The following TNIK variants were observed in gnomAD, a reference collection of about 807,000 sequenced individuals.
The protein encoded by TNIK is TRAF2 and NCK interacting kinase, also known as TRAF2 and NCK-interacting protein kinase.
A neutral mutation model predicts 191.3 loss-of-function variants in TNIK; 49 were observed. That is an observed-to-expected ratio of 0.26 (90% CI 0.20 to 0.32). TNIK has a LOEUF of 0.32. TNIK is among the 10% of genes least tolerant of loss of function. The pLI, the probability that TNIK is intolerant of heterozygous loss-of-function variation, is 1.00. For missense variants in TNIK, 1,155 were observed against 1,702.3 expected (o/e 0.68, Z 5.66); for synonymous variants, 594 against 600.9 (o/e 0.99, Z 0.17).
intron 2 of TNIK, among the ~76,000 whole-genome samples, chr3:171,262,034 T>C (rs2109133392): frequency 6.6e-6 from 1 of 152,246 alleles, no homozygotes; most frequent in Non-Finnish European, 1.5e-5. Flanking sequence ...GCGGGGTCAG[T>C]GGTTAGCCAC....
intron 4 of TNIK, among the ~76,000 whole-genome samples, chr3:171,209,795 A>G (rs2108905569): frequency 6.6e-6 from 1 of 152,292 alleles, no homozygotes; most frequent in African/African-American, 2.4e-5. Context: ...TACTCATATT[A>G]AATGACATGA....
At chr3:171,409,528 A>G (rs1722120698) in intron 1 of TNIK, among the ~76,000 whole-genome samples, 2 of 152,092 alleles carry the variant, frequency 1.3e-5, no homozygotes, top group African/African-American at 4.8e-5. Context: ...TGGGTACACT[A>G]CAGGGGTATA....
rs2108432515 is a variant in TNIK, at chr3:171,097,058, A to G, written c.2592-3090T>C. Among the ~76,000 whole-genome samples, 2 of 152,380 alleles carry G rather than the reference A, an allele frequency of 1.3e-5. 1 individual carries two copies. The highest frequency in any genetic ancestry group is 6.8e-3 in the Middle Eastern group (2 of 294). The stretch of plus-strand genomic sequence containing the variant: ...ATAATTGGGTGGTTATCATAGAATA[A>G]CAAAAAATCTATTCAGATATATCAT... On this transcript the variant is annotated intron_variant, in intron 22 of 32. Coordinates refer to ENST00000436636, the MANE Select transcript of TNIK (RefSeq NM_015028.4).
chr3:171,253,461 TG>T (rs1746477683), intron 2 of TNIK, among the ~76,000 whole-genome samples: 1 of 151,846 alleles, frequency 6.6e-6, no homozygotes, highest in South Asian at 2.1e-4. Flanking sequence ...AAGCAAAACC[TG>T]TGATGAGGTC....
chr3:171,086,809 T>C (rs923507524), intron 24 of TNIK, among the ~76,000 whole-genome samples: 1 of 152,240 alleles, frequency 6.6e-6, no homozygotes, highest in African/African-American at 2.4e-5. Flanking sequence ...GGGCTGTTTC[T>C]CTACAGGAAA....
At chr3:171,244,615 T>C (rs1018449819) in intron 2 of TNIK, among the ~76,000 whole-genome samples, 1 of 152,060 alleles carries the variant, frequency 6.6e-6, no homozygotes, top group African/African-American at 2.4e-5. Context: ...ATTTCTACCA[T>C]GGCTTTAAGT....
intron 1 of TNIK, among the ~76,000 whole-genome samples, chr3:171,400,717 G>C (rs1415103862): frequency 6.6e-6 from 1 of 151,982 alleles, no homozygotes; most frequent in Middle Eastern, 3.2e-3. Context: ...ATATTTTTTG[G>C]AAACACTTAA....
At chr3:171,434,043 TC>T (rs1195398480) in intron 1 of TNIK, among the ~76,000 whole-genome samples, 1 of 146,196 alleles carries the variant, frequency 6.8e-6, no homozygotes, top group East Asian at 2.2e-4. Flanking sequence ...CCTCCTGGGT[TC>T]AAGTGATTCT....
intron 1 of TNIK, among the ~76,000 whole-genome samples, chr3:171,440,720 G>A (rs1726691009): frequency 6.6e-6 from 1 of 152,208 alleles, no homozygotes; most frequent in Non-Finnish European, 1.5e-5. Context: ...TGCAGGAAGA[G>A]GGTGTGGAGG....
chr3:171,107,624 G>T (rs1725117671), intron 20 of TNIK, among the ~76,000 whole-genome samples: 1 of 152,064 alleles, frequency 6.6e-6, no homozygotes, highest in African/African-American at 2.4e-5. Flanking sequence ...AAAAAGTTTG[G>T]TCCAGAAAAT....
intron 9 of TNIK, among the ~76,000 whole-genome samples, chr3:171,169,940 TTAAAA>T (rs1735078668): frequency 6.6e-6 from 1 of 152,202 alleles, no homozygotes; most frequent in Non-Finnish European, 1.5e-5. Flanking sequence ...TAATGTTTAC[TTAAAA>T]TGAGTCTTCA....
At chr3:171,298,855 C>A (rs575846591) in intron 2 of TNIK, among the ~76,000 whole-genome samples, 1 of 152,344 alleles carries the variant, frequency 6.6e-6, no homozygotes, top group South Asian at 2.1e-4. Flanking sequence ...TAACCAGCTT[C>A]ACAAAACTCT....
intron 2 of TNIK, among the ~76,000 whole-genome samples, chr3:171,342,429 G>T (rs1757629793): frequency 6.6e-6 from 1 of 152,162 alleles, no homozygotes; most frequent in Admixed American, 6.5e-5. Context: ...TGGCAGAAAG[G>T]CTTTGCTTGT....
chr3:171,280,600 T>C (rs61794364), intron 2 of TNIK, among the ~76,000 whole-genome samples: 30,801 of 151,406 alleles, frequency 0.2, 3,367 homozygotes, highest in South Asian at 0.25. Flanking sequence ...TTCCTGTTGA[T>C]ACCAACTTGA....
intron 1 of TNIK, among the ~76,000 whole-genome samples, chr3:171,410,782 A>T (rs1246879609): frequency 3.7e-5 from 1 of 27,394 alleles, no homozygotes; most frequent in Non-Finnish European, 1.1e-4. Flanking sequence ...CCATCTCAAA[A>T]AAAAAAAAAA....
intron 7 of TNIK, among the ~76,000 whole-genome samples, chr3:171,177,959 A>T (rs1736155437): frequency 6.6e-6 from 1 of 152,240 alleles, no homozygotes; most frequent in Non-Finnish European, 1.5e-5. Flanking sequence ...ATCACATCAT[A>T]TGTGGTCTTA....
chr3:171,358,353 G>A (rs1714460419), intron 2 of TNIK, among the ~76,000 whole-genome samples: 1 of 152,176 alleles, frequency 6.6e-6, no homozygotes, highest in Non-Finnish European at 1.5e-5. Flanking sequence ...GGAAGTGAAT[G>A]AGGAGCGAAG....
At chr3:171,161,788 C>T (rs918246362) in intron 10 of TNIK, among the ~76,000 whole-genome samples, 20 of 152,004 alleles carry the variant, frequency 1.3e-4, no homozygotes, top group African/African-American at 4.3e-4. Context: ...GGCGTGGTGG[C>T]GGGTGCCTGT....
At chr3:171,146,201 C>T (rs547586331) in intron 12 of TNIK, among the ~76,000 whole-genome samples, 6 of 152,312 alleles carry the variant, frequency 3.9e-5, no homozygotes, top group South Asian at 2.1e-4. Flanking sequence ...GCACTGACCC[C>T]GCTCCTGCCT....
Sources: gnomAD v4.1 joint callset for allele counts (sites outside exome capture counted in the v4.1 genomes callset) on GRCh38, gnomAD v4.1.1 for gene constraint, MANE v1.5 for transcripts, NCBI Gene and HGNC (gene_info 2026-07-23, HGNC 2026-07-21) for gene names.